Variants in RIC1 observed in about 807,000 individuals in gnomAD.
The protein encoded by RIC1 is RIC1 partner of RAB6A GEF complex.
A neutral mutation model predicts 169.0 loss-of-function variants in RIC1; 88 were observed. The observed-to-expected ratio is 0.52, with a 90% CI of 0.44 to 0.62. RIC1 has a LOEUF of 0.62. Among genes scored for constraint, RIC1 ranks in the 20% least tolerant of loss-of-function variants. The pLI is 0.00. For missense variants in RIC1, 1,877 were observed against 1,725.5 expected, an observed-to-expected ratio of 1.09 and a Z score of -1.56; for synonymous variants, 790 against 601.5, an observed-to-expected ratio of 1.31 and a Z score of -4.59.
intron 2 of RIC1, among the ~76,000 whole-genome samples, chr9:5,687,028 C>T (rs1234221405): frequency 1.3e-5 from 2 of 152,194 alleles, no homozygotes; most frequent in Non-Finnish European, 2.9e-5. Context: ...CTTTAACAGA[C>T]ATTGGCTTTT....
rs1459722846 is a variant in RIC1 at position 5,681,028 on chromosome 9, T to G, written c.253-8931T>G. On this transcript the variant is annotated intron_variant, in intron 2 of 25. Coordinates refer to ENST00000414202, the MANE Select transcript of RIC1 (RefSeq NM_020829.4). ...TTTTTAGTAGAGACGGGGTTTCACC[T>G]TGTTAGCCAGGATGGTCTCGATCTC... Among the ~76,000 whole-genome samples, 205 of 150,218 alleles carry G rather than the reference T, an allele frequency of 1.4e-3. 2 individuals are homozygous for G. Among genetic ancestry groups the G allele is most frequent in the African/African-American group, 4.7e-3 (194 of 40,952 alleles).
intron 2 of RIC1, among the ~76,000 whole-genome samples, chr9:5,685,979 C>T (rs1403623590): frequency 6.6e-6 from 1 of 152,052 alleles, no homozygotes; most frequent in African/African-American, 2.4e-5. Flanking sequence ...CATGAACAGA[C>T]ACTTCTGAAA....
chr9:5,674,192 A>C (rs1195737336), intron 2 of RIC1, among the ~76,000 whole-genome samples: 1 of 152,128 alleles, frequency 6.6e-6, no homozygotes, highest in African/African-American at 2.4e-5. Context: ...AACTATTGGC[A>C]GTTTATTTTT....
chr9:5,657,326 T>G (rs1819160015), intron 2 of RIC1, among the ~76,000 whole-genome samples: 1 of 152,144 alleles, frequency 6.6e-6, no homozygotes, highest in South Asian at 2.1e-4. Flanking sequence ...AGTTCATGTT[T>G]CATCACTGTC....
intron 1 of RIC1, among the ~76,000 whole-genome samples, chr9:5,652,840 G>C (rs1360261322): frequency 8.5e-5 from 13 of 152,078 alleles, no homozygotes; most frequent in Admixed American, 8.5e-4. Context: ...CTATGGGTTT[G>C]TCATATATGG....
chr9:5,700,264 GA>G (rs1027314394), intron 3 of RIC1, among the ~76,000 whole-genome samples: 15 of 152,220 alleles, frequency 9.9e-5, no homozygotes, highest in African/African-American at 3.1e-4. Context: ...CAAATAGATA[GA>G]AATTTAGAAC....
At chr9:5,741,382 G>A (rs1245301536) in intron 8 of RIC1, among the ~76,000 whole-genome samples, 1 of 152,092 alleles carries the variant, frequency 6.6e-6, no homozygotes, top group African/African-American at 2.4e-5. Flanking sequence ...ACTATTTCTG[G>A]AAAATTCTCA....
chr9:5,777,079 C>T (rs2131177577), downstream of RIC1, among the ~76,000 whole-genome samples: 1 of 152,192 alleles, frequency 6.6e-6, no homozygotes, highest in South Asian at 2.1e-4. Flanking sequence ...AGTAGTGTCT[C>T]ATCATAGTTT....
intron 19 of RIC1, among the ~76,000 whole-genome samples, chr9:5,764,697 C>T (rs1826581155): frequency 6.6e-6 from 1 of 152,040 alleles, no homozygotes; most frequent in Non-Finnish European, 1.5e-5. Flanking sequence ...CATGGCTAAC[C>T]CTAAAGAAAA....
At chr9:5,690,606 A>G (rs1404114710) in intron 3 of RIC1, among the ~76,000 whole-genome samples, 1 of 151,416 alleles carries the variant, frequency 6.6e-6, no homozygotes, top group Non-Finnish European at 1.5e-5. Context: ...AGATAAAAAT[A>G]TAAGAGCATT....
intron 1 of RIC1, among the ~76,000 whole-genome samples, chr9:5,647,195 A>G (rs772206734): frequency 2.0e-5 from 3 of 152,130 alleles, no homozygotes; most frequent in Non-Finnish European, 2.9e-5. Flanking sequence ...TGCCAGTACG[A>G]CAGTATTTTG....
rs1826508680 is a variant in RIC1 at position 5,763,957 on chromosome 9, TTTAAGGAATTCA to T, written c.2841+91_2841+102del. ...GTCCTGTTTTGACACCATGATTGTG[TTTAAGGAATTCA>T]TAGTCAAATTTTCTGTTTATATCTT... On this transcript the variant is annotated intron_variant, in intron 19 of 25. Coordinates refer to ENST00000414202, the MANE Select transcript of RIC1 (RefSeq NM_020829.4). This position sits in a 1 kb window ranked among gnomAD's most constrained non-coding sequence, Gnocchi z 5.2. 7.1e-7 allele frequency: 1 copy of T among 1,400,634 alleles called. No individual in the cohort carries two copies. Among genetic ancestry groups the T allele is most frequent in the South Asian group, 1.4e-5 (1 of 69,446 alleles). 86.8% of individuals were successfully genotyped at this position (1,400,634 alleles called of 1,614,324 possible).
At chr9:5,767,995 T>G (rs1000920061) in intron 21 of RIC1, among the ~76,000 whole-genome samples, 1 of 152,198 alleles carries the variant, frequency 6.6e-6, no homozygotes, top group Non-Finnish European at 1.5e-5. Context: ...CCACATTGTA[T>G]AGGTGAAGAA....
intron 2 of RIC1, among the ~76,000 whole-genome samples, chr9:5,664,639 T>G (rs1181178798): frequency 6.6e-6 from 1 of 152,172 alleles, no homozygotes; most frequent in African/African-American, 2.4e-5. Flanking sequence ...CTGCATTTCC[T>G]GAATTTGAAT....
At chr9:5,643,009 A>G (rs1311851116) in intron 1 of RIC1, among the ~76,000 whole-genome samples, 3 of 152,122 alleles carry the variant, frequency 2.0e-5, no homozygotes, top group African/African-American at 4.8e-5. Flanking sequence ...AATAAAAACA[A>G]TTTTATAAGT....
chr9:5,644,019 ACCTATGAAAATT>A (rs1818381171), intron 1 of RIC1, among the ~76,000 whole-genome samples: 3 of 152,214 alleles, frequency 2.0e-5, no homozygotes, highest in Admixed American at 2.0e-4. Context: ...ACAAAAATTT[ACCTATGAAAATT>A]TGGATATTAT....
At chr9:5,671,528 G>A (rs755921159) in intron 2 of RIC1, among the ~76,000 whole-genome samples, 1 of 152,072 alleles carries the variant, frequency 6.6e-6, no homozygotes, top group Admixed American at 6.6e-5. Flanking sequence ...CGCCTGCCCC[G>A]GCCTCCCGAA....
Position 5,629,463 on chromosome 9 carries a change from G to A in RIC1, c.144+10G>A, listed in dbSNP as rs1180509681. 1.3e-6 allele frequency: 2 copies of A among 1,526,002 alleles called. No homozygotes were observed. Among genetic ancestry groups the A allele is most frequent in the African/African-American group, 1.4e-5 (1 of 72,196 alleles). 94.5% of individuals were successfully genotyped at this position (1,526,002 alleles called of 1,614,324 possible). ...CATCTGGTACAGCCGAGTAAGTAGA[G>A]CCGCCCGCCGCCTTTCGCCGCTGCC... On this transcript the variant is annotated intron_variant, in intron 1 of 25. Coordinates refer to ENST00000414202, the MANE Select transcript of RIC1 (RefSeq NM_020829.4).
intron 2 of RIC1, among the ~76,000 whole-genome samples, chr9:5,658,788 C>A (rs1293567587): frequency 2.7e-5 from 4 of 150,026 alleles, no homozygotes; most frequent in African/African-American, 9.8e-5. Context: ...GCTGTTATGG[C>A]TTGGGTAGTG....
Sources: allele counts gnomAD v4.1 joint callset (sites outside exome capture counted in the v4.1 genomes callset), GRCh38; gene constraint gnomAD v4.1.1; non-coding constraint Gnocchi (gnomAD v3.1); transcripts MANE v1.5; gene names NCBI Gene and HGNC (gene_info 2026-07-23, HGNC 2026-07-21).